IL1RAPL1: variants seen among roughly 807,000 people sequenced by gnomAD.
The protein encoded by IL1RAPL1 is interleukin-1 receptor accessory protein-like 1.
IL1RAPL1 carries 3 observed loss-of-function variants against 48.4 expected under a neutral mutation model. The observed-to-expected ratio is 0.06, with a 90% CI of 0.03 to 0.16. The LOEUF (loss-of-function observed/expected upper bound fraction) is 0.16, where lower values mean the gene tolerates loss of function less well. IL1RAPL1 is among the 10% of genes least tolerant of loss of function. The pLI, the probability that IL1RAPL1 is intolerant of heterozygous loss-of-function variation, is 1.00. For synonymous variants in IL1RAPL1, 185 were observed against 187.7 expected (o/e 0.99, Z 0.12); for missense variants, 349 against 530.6 (o/e 0.66, Z 3.36).
At chrX:29,379,893 AC>A (rs1199158463) in intron 3 of IL1RAPL1, among the ~76,000 whole-genome samples, 1 of 109,693 alleles carries the variant, frequency 9.1e-6, no homozygotes, top group Non-Finnish European at 1.9e-5. Flanking sequence ...TTATCTGTTA[AC>A]CATCCTTTGG....
intron 3 of IL1RAPL1, among the ~76,000 whole-genome samples, chrX:29,283,933 G>T (rs1410671341): frequency 1.8e-5 from 2 of 112,833 alleles, no homozygotes; most frequent in Non-Finnish European, 3.7e-5. Flanking sequence ...AAAAACCTCA[G>T]TTTAAGCATT....
intron 7 of IL1RAPL1, among the ~76,000 whole-genome samples, chrX:29,917,897 C>T (rs1433552968): frequency 2.8e-5 from 3 of 106,377 alleles, no homozygotes; most frequent in Admixed American, 1.0e-4. Flanking sequence ...TCAGATTGGG[C>T]GGATTGCTTG....
chrX:29,918,123 CAAAAAAAA>C (rs781348669), intron 7 of IL1RAPL1, among the ~76,000 whole-genome samples: 2 of 7,816 alleles, frequency 2.6e-4, no homozygotes, highest in Admixed American at 5.9e-3. Flanking sequence ...ACTCTGTCTC[CAAAAAAAA>C]AAAAAAAAAA....
intron 2 of IL1RAPL1, among the ~76,000 whole-genome samples, chrX:29,185,748 A>G (rs997777322): frequency 9.0e-6 from 1 of 111,621 alleles, no homozygotes; most frequent in African/African-American, 3.3e-5. Flanking sequence ...AAGGAAGTAT[A>G]TGATTAATTG....
intron 2 of IL1RAPL1, among the ~76,000 whole-genome samples, chrX:29,073,331 A>G (rs575510166): frequency 2.7e-5 from 3 of 111,453 alleles, no homozygotes; most frequent in African/African-American, 9.8e-5. Flanking sequence ...TGTTTGATGT[A>G]TTGCAATAGT....
intron 6 of IL1RAPL1, among the ~76,000 whole-genome samples, chrX:29,910,389 A>G (rs1186575445): frequency 9.0e-6 from 1 of 111,522 alleles, no homozygotes; most frequent in African/African-American, 3.3e-5. Context: ...AAATTTAAAA[A>G]AAAAAATAAT....
At position 29,955,093 on chromosome X, in the gene IL1RAPL1, C is replaced by G. The variant is rs781634241; in HGVS notation, c.1373-9C>G. 16 of 1,195,214 alleles carry G rather than the reference C, an allele frequency of 1.3e-5. No individual in the cohort carries two copies. In the Admixed American group the frequency reaches 2.8e-4, roughly 21 times the overall value. Reference sequence around the variant, plus strand: ...CACTCATTTTGATGCACTCTTTTATCTTTTGTAGCATACATTGAAGATGTG... The same window carrying G: ...CACTCATTTTGATGCACTCTTTTATGTTTTGTAGCATACATTGAAGATGTG... On this transcript the variant is annotated splice_polypyrimidine_tract_variant and intron_variant, in intron 10 of 10. Coordinates refer to ENST00000378993, the MANE Select transcript of IL1RAPL1 (RefSeq NM_014271.4).
rs1475144610 is a variant in IL1RAPL1 at position 28,768,780 on chromosome X, C to T, written c.-24-20540C>T. Reference sequence around the variant, plus strand: ...CTATATATATATATATATATATATACACACACTATATATATACAGACATTA... The same window carrying T: ...CTATATATATATATATATATATATATACACACTATATATATACAGACATTA... On this transcript the variant is annotated intron_variant, in intron 1 of 10. Transcript: ENST00000378993. Among the ~76,000 whole-genome samples the T allele has an allele frequency of 7.2e-4, 37 of 51,109 alleles. 2 individuals are homozygous for T. Among genetic ancestry groups the T allele is most frequent in the African/African-American group, 1.4e-3 (22 of 15,267 alleles). The allele number at this position is 51,109 out of a possible 115,157, so 44.4% of individuals were successfully genotyped here.
chrX:29,685,145 T>C (rs1280531007), intron 6 of IL1RAPL1, among the ~76,000 whole-genome samples: 2 of 112,462 alleles, frequency 1.8e-5, no homozygotes, highest in Non-Finnish European at 3.7e-5. Flanking sequence ...AAGTTAAATT[T>C]GACTTACGAT....
chrX:29,660,141 C>T (rs1225603156), intron 5 of IL1RAPL1, among the ~76,000 whole-genome samples: 1 of 111,334 alleles, frequency 9.0e-6, no homozygotes, highest in Admixed American at 9.5e-5. Context: ...GGGAAGTCCG[C>T]CCCCATGATC....
intron 6 of IL1RAPL1, among the ~76,000 whole-genome samples, chrX:29,872,198 T>G (rs779271885): frequency 8.9e-6 from 1 of 112,052 alleles, no homozygotes; most frequent in East Asian, 2.8e-4. Flanking sequence ...CTCTTGCAGA[T>G]TAACAGGTTA....
chrX:28,903,701 AG>A (rs770835699), intron 2 of IL1RAPL1, among the ~76,000 whole-genome samples: 25 of 111,095 alleles, frequency 2.3e-4, no homozygotes, highest in South Asian at 1.5e-3. Flanking sequence ...TTATGTTATC[AG>A]GACTAGGTAA....
chrX:28,879,047 G>T (rs1922443255), intron 2 of IL1RAPL1, among the ~76,000 whole-genome samples: 1 of 111,598 alleles, frequency 9.0e-6, no homozygotes, highest in Non-Finnish European at 1.9e-5. Flanking sequence ...GAAGTAGAAG[G>T]TGCAATAGTT....
At chrX:29,913,871 G>A (rs1028619660) in intron 6 of IL1RAPL1, among the ~76,000 whole-genome samples, 23 of 110,835 alleles carry the variant, frequency 2.1e-4, no homozygotes, top group African/African-American at 6.6e-4. Flanking sequence ...GGGTCCATTC[G>A]TCTCCTAATC....
chrX:28,690,240 G>A (rs1935162658), intron 1 of IL1RAPL1, among the ~76,000 whole-genome samples: 1 of 111,541 alleles, frequency 9.0e-6, no homozygotes, highest in African/African-American at 3.3e-5. Context: ...CAACTTCCAC[G>A]AATGGCTTCC....
At chrX:29,178,930 G>C (rs1481248525) in intron 2 of IL1RAPL1, among the ~76,000 whole-genome samples, 1 of 111,054 alleles carries the variant, frequency 9.0e-6, no homozygotes, top group Non-Finnish European at 1.9e-5. Context: ...ATTTCTGAGG[G>C]CTCTGTTCTG....
chrX:29,565,004 C>G (rs780828550), intron 5 of IL1RAPL1, among the ~76,000 whole-genome samples: 22 of 111,281 alleles, frequency 2.0e-4, no homozygotes, highest in Non-Finnish European at 3.8e-4. Flanking sequence ...AGCATTACCA[C>G]AACTACTTCA....
chrX:29,254,982 G>A (rs113225032), intron 2 of IL1RAPL1, among the ~76,000 whole-genome samples: 2,702 of 110,611 alleles, frequency 0.024, 79 homozygotes, highest in African/African-American at 0.084. Context: ...AAATGAATTT[G>A]AATTTTTTTA....
At chrX:29,634,329 C>T (rs1217687715) in intron 5 of IL1RAPL1, among the ~76,000 whole-genome samples, 1 of 110,932 alleles carries the variant, frequency 9.0e-6, no homozygotes, top group African/African-American at 3.3e-5. Context: ...ATAACCATCC[C>T]ATATTGAGGC....
Sources: gnomAD v4.1 joint callset for allele counts (sites outside exome capture counted in the v4.1 genomes callset) on GRCh38, gnomAD v4.1.1 for gene constraint, MANE v1.5 for transcripts, NCBI Gene and HGNC (gene_info 2026-07-23, HGNC 2026-07-21) for gene names.